Variants in FGF14 observed in about 807,000 individuals in gnomAD.
The protein encoded by FGF14 is fibroblast growth factor 14, also known as fibroblast growth factor homologous factor 4.
In FGF14, 5 loss-of-function variants were observed where a neutral mutation model predicts 25.5. The ratio of observed to expected loss-of-function variants is 0.20; its 90% CI spans 0.10 to 0.41. The LOEUF is 0.41. FGF14 is among the 10% of genes least tolerant of loss of function. The pLI is 1.00. For missense variants in FGF14, 222 were observed against 320.1 expected, an observed-to-expected ratio of 0.69 and a Z score of 2.34; for synonymous variants, 138 against 118.3, an observed-to-expected ratio of 1.17 and a Z score of -1.08.
intron 1 of FGF14, among the ~76,000 whole-genome samples, chr13:102,323,664 A>G (rs1234868453): frequency 6.6e-6 from 1 of 152,144 alleles, no homozygotes; most frequent in Non-Finnish European, 1.5e-5. Flanking sequence ...ACGTCCCTCT[A>G]TATTTTTTGA....
Position 101,797,735 on chromosome 13 carries a change from A to ATGTGTG in FGF14, c.409-70931_409-70926dup, listed in dbSNP as rs1555384521. ...TAACTAAAGAGAATGTCATGAATTG[A>ATGTGTG]TGTGTGTGTGTGTGTGTGTGTGTGT... is the stretch of plus-strand genomic sequence containing the variant. On this transcript the variant is annotated intron_variant, in intron 3 of 4. Coordinates refer to ENST00000376143, the MANE Select transcript of FGF14 (RefSeq NM_004115.4). 3.7e-3 allele frequency among the ~76,000 whole-genome samples: 126 copies of ATGTGTG among 34,072 alleles called. 2 individuals carry two copies. The highest frequency in any genetic ancestry group is 6.5e-3 in the African/African-American group (121 of 18,584). The allele number at this position is 34,072 out of a possible 152,430, so 22.4% of individuals were successfully genotyped here. A position where few individuals can be genotyped will look rare whatever the true frequency, so the allele number is the denominator to read the frequency against.
intron 1 of FGF14, among the ~76,000 whole-genome samples, chr13:101,909,182 C>T (rs1039490595): frequency 6.6e-5 from 10 of 152,092 alleles, no homozygotes; most frequent in East Asian, 1.9e-4. Flanking sequence ...TAGGCATGTG[C>T]GAGGACTTCA....
chr13:101,786,902 C>T (rs552490426), intron 3 of FGF14, among the ~76,000 whole-genome samples: 1 of 152,106 alleles, frequency 6.6e-6, no homozygotes, highest in East Asian at 1.9e-4. Flanking sequence ...TTGAAAAGAA[C>T]CAACTGTCTC....
At chr13:101,949,163 TTCTC>T (rs1440707993) in intron 1 of FGF14, among the ~76,000 whole-genome samples, 2 of 152,194 alleles carry the variant, frequency 1.3e-5, no homozygotes, top group Admixed American at 6.5e-5. Context: ...TGCCTCGGTT[TTCTC>T]TCTATGAAAT....
chr13:102,094,527 A>T (rs2044305529), intron 1 of FGF14, among the ~76,000 whole-genome samples: 1 of 152,148 alleles, frequency 6.6e-6, no homozygotes, highest in East Asian at 1.9e-4. Flanking sequence ...TCCACAAAGG[A>T]CATTTCTTAG....
chr13:102,158,597 C>T (rs981426256), intron 1 of FGF14, among the ~76,000 whole-genome samples: 2 of 151,576 alleles, frequency 1.3e-5, no homozygotes, highest in Admixed American at 6.6e-5. Context: ...GTGCAGCACA[C>T]CAACGTGGCA....
chr13:102,333,517 A>C (rs2056696271), intron 1 of FGF14, among the ~76,000 whole-genome samples: 1 of 152,178 alleles, frequency 6.6e-6, no homozygotes, highest in Non-Finnish European at 1.5e-5. Flanking sequence ...AGTCAAAACC[A>C]TGGATGTTAC....
At chr13:101,754,767 G>C (rs1279322990) in intron 3 of FGF14, among the ~76,000 whole-genome samples, 1 of 152,068 alleles carries the variant, frequency 6.6e-6, no homozygotes, top group Non-Finnish European at 1.5e-5. Flanking sequence ...AACAAAAATA[G>C]TTGAACAGTT....
chr13:102,119,131 T>A (rs2045604043), intron 1 of FGF14, among the ~76,000 whole-genome samples: 1 of 152,230 alleles, frequency 6.6e-6, no homozygotes, highest in Non-Finnish European at 1.5e-5. Flanking sequence ...TGTTGCAATA[T>A]GAAGTCTACA....
At chr13:101,997,053 C>T (rs1212738925) in intron 1 of FGF14, among the ~76,000 whole-genome samples, 1 of 152,190 alleles carries the variant, frequency 6.6e-6, no homozygotes, top group Non-Finnish European at 1.5e-5. Context: ...GCTGAATTAG[C>T]AGTGGTCGCT....
At chr13:101,979,599 T>TTTTCC (rs1401009468) in intron 1 of FGF14, among the ~76,000 whole-genome samples, 1 of 152,278 alleles carries the variant, frequency 6.6e-6, no homozygotes, top group Non-Finnish European at 1.5e-5. Flanking sequence ...TGCACAACCT[T>TTTTCC]ATATCTAGAA....
intron 3 of FGF14, among the ~76,000 whole-genome samples, chr13:101,763,934 C>T (rs924846196): frequency 6.6e-6 from 1 of 151,836 alleles, no homozygotes; most frequent in African/African-American, 2.4e-5. Context: ...GGTGAAGGAG[C>T]TTTGTGTGTG....
chr13:101,911,621 T>G (rs1043505748), intron 1 of FGF14, among the ~76,000 whole-genome samples: 3 of 152,148 alleles, frequency 2.0e-5, no homozygotes, highest in Non-Finnish European at 4.4e-5. Context: ...CATTATTTCA[T>G]TGACCAATCT....
At chr13:102,209,126 C>G (rs9518659) in intron 1 of FGF14, among the ~76,000 whole-genome samples, 30,865 of 152,112 alleles carry the variant, frequency 0.2, 5,937 homozygotes, top group African/African-American at 0.5. Flanking sequence ...CTCAATGGTT[C>G]CAACAGAAGC....
At chr13:101,990,574 G>T (rs2038845184) in intron 1 of FGF14, among the ~76,000 whole-genome samples, 1 of 152,008 alleles carries the variant, frequency 6.6e-6, no homozygotes, top group Non-Finnish European at 1.5e-5. Flanking sequence ...TTGTCCTTGA[G>T]GGAGGACTTG....
intron 3 of FGF14, among the ~76,000 whole-genome samples, chr13:101,768,404 C>A (rs1357132235): frequency 6.6e-6 from 1 of 152,084 alleles, no homozygotes; most frequent in African/African-American, 2.4e-5. Context: ...CCAACTTGAT[C>A]TATAGATTCA....
chr13:102,229,365 A>G (rs1366686842), intron 1 of FGF14, among the ~76,000 whole-genome samples: 1 of 152,222 alleles, frequency 6.6e-6, no homozygotes, highest in Non-Finnish European at 1.5e-5. Flanking sequence ...CCCCACAACA[A>G]GCTTACAGCT....
rs974889132 is a variant in FGF14 at position 101,906,189 on chromosome 13, A to G, written c.193+10264T>C. ...AATGCATTCAGTCTTCTCTACCCCA[A>G]GTTTGGCCTCAGCATGAAATTCTCT... On this transcript the variant is annotated intron_variant, in intron 1 of 4. Transcript: ENST00000376143. Among the ~76,000 whole-genome samples, 36 of 152,166 alleles carry G rather than the reference A, an allele frequency of 2.4e-4. 1 individual carries two copies. The highest frequency in any genetic ancestry group is 1.7e-3 in the Admixed American group (26 of 15,270).
At chr13:101,778,328 A>C (rs2039268831) in intron 3 of FGF14, among the ~76,000 whole-genome samples, 1 of 152,114 alleles carries the variant, frequency 6.6e-6, no homozygotes, top group Admixed American at 6.6e-5. Context: ...TTCCCAGTAC[A>C]ACCCACACCA....
Sources: gnomAD v4.1 joint callset for allele counts (sites outside exome capture counted in the v4.1 genomes callset) on GRCh38, gnomAD v4.1.1 for gene constraint, MANE v1.5 for transcripts, NCBI Gene and HGNC (gene_info 2026-07-23, HGNC 2026-07-21) for gene names.